TNRC6B: variants seen among roughly 807,000 people sequenced by gnomAD.
The protein encoded by TNRC6B is trinucleotide repeat-containing gene 6B protein.
In TNRC6B, 52 loss-of-function variants were observed where a neutral mutation model predicts 203.6. The observed-to-expected ratio is 0.26, with a 90% CI of 0.20 to 0.32. The LOEUF (loss-of-function observed/expected upper bound fraction) is 0.32. Among genes scored for constraint, TNRC6B ranks in the 10% least tolerant of loss-of-function variants. The probability of loss-of-function intolerance (pLI) is 1.00; values close to 1 mark genes in which losing one functional copy is unlikely to be tolerated. For synonymous variants in TNRC6B, 838 were observed against 845.7 expected, an observed-to-expected ratio of 0.99 and a Z score of 0.16; for missense variants, 1,923 against 2,286.2, an observed-to-expected ratio of 0.84 and a Z score of 3.24.
At chr22:40,296,673 G>C (rs1260124538) in intron 12 of TNRC6B, among the ~76,000 whole-genome samples, 1 of 151,282 alleles carries the variant, frequency 6.6e-6, no homozygotes, top group African/African-American at 2.4e-5. Flanking sequence ...TGGTGTCCAG[G>C]CTGGAGTGCA....
chr22:40,209,004 A>C (rs1421269807), intron 1 of TNRC6B, among the ~76,000 whole-genome samples: 3 of 152,188 alleles, frequency 2.0e-5, no homozygotes, highest in East Asian at 1.9e-4. Flanking sequence ...ATGTGAAAGC[A>C]CCGTCAACAT....
intron 1 of TNRC6B, among the ~76,000 whole-genome samples, chr22:40,244,039 C>T (rs558777229): frequency 6.6e-6 from 1 of 151,654 alleles, no homozygotes; most frequent in East Asian, 1.9e-4. Flanking sequence ...GTTGGTTTCA[C>T]TGTAAAATGT....
intron 2 of TNRC6B, among the ~76,000 whole-genome samples, chr22:40,122,202 A>C (rs1355484348): frequency 2.0e-5 from 3 of 152,154 alleles, no homozygotes; most frequent in Non-Finnish European, 4.4e-5. Context: ...AAAAGCTTAT[A>C]TGCAGCGAGA....
chr22:40,248,031 C>T (rs2070132891), intron 2 of TNRC6B, among the ~76,000 whole-genome samples: 1 of 151,476 alleles, frequency 6.6e-6, no homozygotes, highest in African/African-American at 2.4e-5. Context: ...GTGGAGATTG[C>T]ACCACTGCAC....
At chr22:40,296,233 A>G (rs1262472449) in intron 12 of TNRC6B, among the ~76,000 whole-genome samples, 3 of 152,208 alleles carry the variant, frequency 2.0e-5, no homozygotes, top group Non-Finnish European at 4.4e-5. Flanking sequence ...AAGTTCTATG[A>G]TAAAATAAAG....
chr22:40,067,144 A>G (rs2067901462), intron 1 of TNRC6B, among the ~76,000 whole-genome samples: 1 of 152,108 alleles, frequency 6.6e-6, no homozygotes, highest in South Asian at 2.1e-4. Context: ...TCACATCATG[A>G]TAATCAACTA....
intron 1 of TNRC6B, among the ~76,000 whole-genome samples, chr22:40,054,463 A>G (rs1415086442): frequency 6.6e-6 from 1 of 152,052 alleles, no homozygotes; most frequent in East Asian, 1.9e-4. Flanking sequence ...CGCAGGCCCA[A>G]CCTTAGTTAA....
intron 1 of TNRC6B, among the ~76,000 whole-genome samples, chr22:40,063,591 G>A (rs544528597): frequency 1.1e-4 from 17 of 152,148 alleles, no homozygotes; most frequent in South Asian, 4.2e-4. Context: ...TTATTTCGAC[G>A]TTTTATGGTT....
At chr22:40,206,650 A>G (rs1403482761) in intron 1 of TNRC6B, among the ~76,000 whole-genome samples, 1 of 152,200 alleles carries the variant, frequency 6.6e-6, no homozygotes, top group Non-Finnish European at 1.5e-5. Flanking sequence ...TTAACCTGCT[A>G]GATCCCTTGC....
upstream of TNRC6B, among the ~76,000 whole-genome samples, chr22:40,173,797 T>TATATATATATATAA (rs2069029070): frequency 1.4e-4 from 6 of 43,282 alleles, no homozygotes; most frequent in Admixed American, 2.8e-4. Context: ...ATATATATTT[T>TATATATATATATAA]TTTTTTTTTT....
In TNRC6B at chr22:40,266,268, TG is replaced by T; in HGVS notation, c.2044del (p.Glu682SerfsTer110). 6.3e-7 allele frequency: 1 copy of T among 1,593,524 alleles called. No homozygotes were observed. Among genetic ancestry groups the T allele is most frequent in the Non-Finnish European group, 8.5e-7 (1 of 1,169,708 alleles). On this transcript the variant is annotated frameshift_variant, in exon 5 of 23. Transcript: ENST00000454349. LOFTEE classifies it high-confidence loss of function. The part of the protein sequence containing the change: ...PSQSNQMKSG[W>X]GELSASTEWK... ...CCAAAGCAATCAAATGAAGTCTGGA[TG>T]GGGGGAGCTCTCAGCCTCTACAGAG... is the stretch of plus-strand genomic sequence containing the variant.
At chr22:40,162,847 T>C (rs1015810910) in intron 4 of TNRC6B, among the ~76,000 whole-genome samples, 1 of 152,150 alleles carries the variant, frequency 6.6e-6, no homozygotes, top group Non-Finnish European at 1.5e-5. Context: ...AATTGGTACT[T>C]TGAAAATGCC....
chr22:40,248,146 GC>G (rs2070135091), intron 2 of TNRC6B, among the ~76,000 whole-genome samples: 1 of 152,104 alleles, frequency 6.6e-6, no homozygotes, highest in South Asian at 2.1e-4. Context: ...TGCGTCCGTG[GC>G]CACATGCCCT....
chr22:40,318,047 T>C (rs1409429140), intron 21 of TNRC6B, among the ~76,000 whole-genome samples: 1 of 152,200 alleles, frequency 6.6e-6, no homozygotes, highest in Non-Finnish European at 1.5e-5. Context: ...ACTTTGAGAC[T>C]TCTTAGGCCT....
intron 3 of TNRC6B, among the ~76,000 whole-genome samples, chr22:40,254,521 A>G (rs959192247): frequency 2.0e-5 from 3 of 152,204 alleles, no homozygotes; most frequent in Admixed American, 6.5e-5. Flanking sequence ...CCTTGTCTCA[A>G]AAACAAAACA....
chr22:40,113,210 A>G (rs990598807), intron 1 of TNRC6B, among the ~76,000 whole-genome samples: 2 of 152,242 alleles, frequency 1.3e-5, no homozygotes, highest in Admixed American at 1.3e-4. Context: ...ATGGACAGAC[A>G]GTATTTTTAC....
chr22:40,265,254 A>G lies in TNRC6B; in HGVS notation c.1024A>G (p.Thr342Ala). The change falls in exon 5 of 23, where the codon ACA becomes GCA. Residue 342 changes from threonine (T) to alanine (A), a missense_variant. By Grantham distance (58) the Thr-to-Ala change is moderately conservative. Around this residue, in one of 8 missense-constraint regions of TNRC6B, gnomAD observed 614 missense variants for 587.7 expected, o/e 1.04. Coordinates refer to ENST00000454349, the MANE Select transcript of TNRC6B (RefSeq NM_001162501.2). The stretch of plus-strand genomic sequence containing the variant: ...TGCACAGGTTAGCACAGTAGGTCAG[A>G]CATCCAGGGAACAGCAGTCAAAGAT... ...SSAQVSTVGQ[T>A]SREQQSKMEN... is the part of the protein sequence containing the mutation. 6.2e-7 allele frequency: 1 copy of G among 1,614,042 alleles called. No homozygotes were observed. Among genetic ancestry groups the G allele is most frequent in the Non-Finnish European group, 8.5e-7 (1 of 1,179,900 alleles).
chr22:40,191,262 T>G (rs1050796950), intron 1 of TNRC6B, among the ~76,000 whole-genome samples: 1 of 152,176 alleles, frequency 6.6e-6, no homozygotes, highest in African/African-American at 2.4e-5. Context: ...GGTAAAGGGA[T>G]AGTAATAGTA....
chr22:40,050,744 C>A (rs1356901772), intron 1 of TNRC6B, among the ~76,000 whole-genome samples: 1 of 152,066 alleles, frequency 6.6e-6, no homozygotes, highest in Non-Finnish European at 1.5e-5. Flanking sequence ...CAACAGACTT[C>A]CAGTAAATAT....
Sources: allele counts gnomAD v4.1 joint callset (sites outside exome capture counted in the v4.1 genomes callset), GRCh38; gene constraint gnomAD v4.1.1; regional missense constraint gnomAD v4.1.1; transcripts MANE v1.5; gene names NCBI Gene and HGNC (gene_info 2026-07-23, HGNC 2026-07-21).